The following TSPAN5 variants were observed in gnomAD, a reference collection of about 807,000 sequenced individuals.
TSPAN5 encodes tetraspanin 5, also known as tetraspanin-5.
In TSPAN5, 10 loss-of-function variants were observed where a neutral mutation model predicts 37.1. The observed-to-expected ratio is 0.27, with a 90% CI of 0.17 to 0.46. The LOEUF is 0.46. Ranked by LOEUF, TSPAN5 falls within the 20% of genes least tolerant of loss-of-function variation. TSPAN5 has a pLI of 1.00. For synonymous variants in TSPAN5, 110 were observed against 118.9 expected (o/e 0.93, Z 0.48); for missense variants, 195 against 326.6 (o/e 0.60, Z 3.11).
At chr4:98,516,607 C>G (rs1432223412) in intron 1 of TSPAN5, among the ~76,000 whole-genome samples, 3 of 152,112 alleles carry the variant, frequency 2.0e-5, no homozygotes, top group Non-Finnish European at 4.4e-5. Flanking sequence ...GTTTGTCTGC[C>G]CTCACCAAAA....
chr4:98,566,149 G>C (rs373848562), intron 1 of TSPAN5, among the ~76,000 whole-genome samples: 2 of 152,122 alleles, frequency 1.3e-5, no homozygotes, highest in East Asian at 3.9e-4. Flanking sequence ...TCTGGCAACT[G>C]AGATTATGAG....
At chr4:98,624,268 TA>T (rs1314464388) in intron 1 of TSPAN5, among the ~76,000 whole-genome samples, 28 of 145,180 alleles carry the variant, frequency 1.9e-4, no homozygotes, top group South Asian at 1.3e-3. Context: ...TACAAACCTT[TA>T]AAAAAAAAAA....
intron 1 of TSPAN5, among the ~76,000 whole-genome samples, chr4:98,563,445 C>T (rs1244658289): frequency 6.6e-6 from 1 of 152,216 alleles, no homozygotes; most frequent in Non-Finnish European, 1.5e-5. Flanking sequence ...TTCCTGAAAG[C>T]AGTCCTCGCC....
rs78774540 is a variant in TSPAN5, at chr4:98,559,522, C to G, written c.82-51794G>C. 1.0e-3 allele frequency among the ~76,000 whole-genome samples: 153 copies of G among 152,256 alleles called. 1 individual carries two copies. Among genetic ancestry groups the G allele is most frequent in the African/African-American group, 3.5e-3 (144 of 41,566 alleles). Reference sequence around the variant, plus strand: ...TATGTGCTAAAATATGACATACACACTCTATTTTCTTGAACACTATTTTAA... The same window carrying G: ...TATGTGCTAAAATATGACATACACAGTCTATTTTCTTGAACACTATTTTAA... On this transcript the variant is annotated intron_variant, in intron 1 of 7. Transcript: ENST00000305798.
intron 1 of TSPAN5, among the ~76,000 whole-genome samples, chr4:98,644,764 G>A (rs533609401): frequency 1.3e-5 from 2 of 152,254 alleles, no homozygotes; most frequent in East Asian, 3.9e-4. Flanking sequence ...TTGACTTCCT[G>A]CTGGCCTGAG....
intron 1 of TSPAN5, among the ~76,000 whole-genome samples, chr4:98,586,012 A>G (rs1227586582): frequency 1.3e-5 from 2 of 152,252 alleles, no homozygotes; most frequent in African/African-American, 2.4e-5. Flanking sequence ...GCCTGAGAAC[A>G]TAAGACACCA....
intron 1 of TSPAN5, among the ~76,000 whole-genome samples, chr4:98,564,702 T>C (rs1307456898): frequency 6.6e-6 from 1 of 152,024 alleles, no homozygotes; most frequent in African/African-American, 2.4e-5. Flanking sequence ...ATTTTTTTTT[T>C]TTTTTCTTTT....
At chr4:98,542,719 TAAAAAAA>T (rs11326064) in intron 1 of TSPAN5, among the ~76,000 whole-genome samples, 138 of 101,804 alleles carry the variant, frequency 1.4e-3, no homozygotes, top group African/African-American at 5.0e-3. Flanking sequence ...CTCATCTCTT[TAAAAAAA>T]AAAAAAAAAA....
At chr4:98,532,881 T>C (rs1754128982) in intron 1 of TSPAN5, among the ~76,000 whole-genome samples, 1 of 152,306 alleles carries the variant, frequency 6.6e-6, no homozygotes, top group Non-Finnish European at 1.5e-5. Context: ...ACCTAGTTTA[T>C]TGAGTTTTTA....
chr4:98,540,665 G>A (rs1398544314), intron 1 of TSPAN5, among the ~76,000 whole-genome samples: 2 of 152,016 alleles, frequency 1.3e-5, no homozygotes, highest in African/African-American at 2.4e-5. Flanking sequence ...CTTAATTCCC[G>A]GACTGAAAAC....
chr4:98,614,292 T>C (rs2110238396), intron 1 of TSPAN5, among the ~76,000 whole-genome samples: 1 of 152,350 alleles, frequency 6.6e-6, no homozygotes, highest in Admixed American at 6.5e-5. Flanking sequence ...TAAGTCAGAC[T>C]CACAGGCTCC....
chr4:98,473,765 C>T (rs936442644), intron 7 of TSPAN5, among the ~76,000 whole-genome samples: 11 of 152,088 alleles, frequency 7.2e-5, no homozygotes, highest in African/African-American at 1.2e-4. Context: ...ATCCTCTGCC[C>T]GTATTTTTGT....
At chr4:98,581,322 C>G (rs2110195282) in intron 1 of TSPAN5, among the ~76,000 whole-genome samples, 1 of 152,256 alleles carries the variant, frequency 6.6e-6, no homozygotes, top group South Asian at 2.1e-4. Flanking sequence ...AAATCTGATC[C>G]ACCTCAGAAC....
intron 2 of TSPAN5, among the ~76,000 whole-genome samples, chr4:98,497,756 G>A (rs528187433): frequency 4.6e-5 from 7 of 152,188 alleles, no homozygotes; most frequent in Non-Finnish European, 1.0e-4. Context: ...CAGGAGCTGA[G>A]TCTAGAGGGG....
rs189239540 is a variant in TSPAN5, at chr4:98,502,339, C to T, written c.132+5339G>A. On this transcript the variant is annotated intron_variant, in intron 2 of 7. Transcript: ENST00000305798. ...CAAGTCTAGATGAGATTTCTTAAGA[C>T]GAGTCAAAGCTCAGACTGAGCCTTG... is the stretch of plus-strand genomic sequence containing the variant. Among the ~76,000 whole-genome samples the T allele has an allele frequency of 5.5e-4, 83 of 152,198 alleles. No individual in the cohort carries two copies. The South Asian group carries it at 6.0e-3, about 11-fold the overall frequency.
chr4:98,554,081 T>G (rs1967941), intron 1 of TSPAN5, among the ~76,000 whole-genome samples: 6 of 150,416 alleles, frequency 4.0e-5, no homozygotes, highest in Non-Finnish European at 7.4e-5. Context: ...AAAAATAAAT[T>G]AAAAAAAAAA....
chr4:98,589,707 C>G (rs1755581802), intron 1 of TSPAN5, among the ~76,000 whole-genome samples: 1 of 152,178 alleles, frequency 6.6e-6, no homozygotes, highest in Non-Finnish European at 1.5e-5. Flanking sequence ...AAGCTTTTTA[C>G]AAACATGATA....
At chr4:98,646,837 C>T (rs1031079033) in intron 1 of TSPAN5, among the ~76,000 whole-genome samples, 1 of 151,468 alleles carries the variant, frequency 6.6e-6, no homozygotes, top group African/African-American at 2.4e-5. Context: ...ATGAGGAAAA[C>T]AGTATAATAA....
At chr4:98,474,138 T>C (rs1241721329) in intron 7 of TSPAN5, among the ~76,000 whole-genome samples, 1 of 152,254 alleles carries the variant, frequency 6.6e-6, no homozygotes, top group Non-Finnish European at 1.5e-5. Context: ...CAAATATTTA[T>C]GCCTATGTTT....
Sources: gnomAD v4.1 joint callset for allele counts (sites outside exome capture counted in the v4.1 genomes callset) on GRCh38, gnomAD v4.1.1 for gene constraint, MANE v1.5 for transcripts, NCBI Gene and HGNC (gene_info 2026-07-23, HGNC 2026-07-21) for gene names.